MAPK8: variants seen among roughly 807,000 people sequenced by gnomAD.
The protein encoded by MAPK8 is mitogen-activated protein kinase 8.
In MAPK8, 13 loss-of-function variants were observed where a neutral mutation model predicts 52.9. The ratio of observed to expected loss-of-function variants is 0.25; its 90% CI spans 0.16 to 0.39. The LOEUF (loss-of-function observed/expected upper bound fraction) is 0.39, where lower values mean the gene tolerates loss of function less well. Ranked by LOEUF, MAPK8 falls within the 10% of genes least tolerant of loss-of-function variation. MAPK8 has a pLI of 1.00. For missense variants in MAPK8, 300 were observed against 519.2 expected, an observed-to-expected ratio of 0.58 and a Z score of 4.10; for synonymous variants, 191 against 169.8, an observed-to-expected ratio of 1.12 and a Z score of -0.97.
At chr10:48,319,204 A>G (rs976564788) in intron 1 of MAPK8, among the ~76,000 whole-genome samples, 9 of 152,230 alleles carry the variant, frequency 5.9e-5, no homozygotes, top group Admixed American at 6.5e-5. Context: ...ATAGTGTGTC[A>G]TGTGTAATAA....
At chr10:48,418,862 C>T (rs1458481856) in intron 5 of MAPK8, among the ~76,000 whole-genome samples, 1 of 152,014 alleles carries the variant, frequency 6.6e-6, no homozygotes, top group African/African-American at 2.4e-5. Flanking sequence ...CAATGAAGTG[C>T]TTGAAATTGG....
chr10:48,400,660 T>C (rs1318609424), intron 1 of MAPK8, among the ~76,000 whole-genome samples: 1 of 152,210 alleles, frequency 6.6e-6, no homozygotes, highest in Non-Finnish European at 1.5e-5. Flanking sequence ...GTAAGTCATA[T>C]CAGGATTTCT....
At chr10:48,417,511 G>T (rs1282764222) in intron 5 of MAPK8, among the ~76,000 whole-genome samples, 1 of 152,196 alleles carries the variant, frequency 6.6e-6, no homozygotes, top group Non-Finnish European at 1.5e-5. Context: ...TGGGTCTGCA[G>T]GGTTGGCTGT....
chr10:48,427,043 C>A, intron 9 of MAPK8, 37 bp from the exon 10 acceptor site: 1 of 1,505,244 alleles, frequency 6.6e-7, no homozygotes, highest in Non-Finnish European at 9.2e-7. Flanking sequence ...ATACTCCCAG[C>A]ATACTGACTT....
At chr10:48,354,695 C>T (rs774760410) in intron 1 of MAPK8, among the ~76,000 whole-genome samples, 39 of 151,916 alleles carry the variant, frequency 2.6e-4, no homozygotes, top group African/African-American at 8.2e-4. Context: ...AAAACCTTGT[C>T]GGAGTGAATA....
intron 1 of MAPK8, among the ~76,000 whole-genome samples, chr10:48,355,930 T>C (rs1298430055): frequency 3.3e-5 from 5 of 152,324 alleles, no homozygotes; most frequent in Non-Finnish European, 4.4e-5. Flanking sequence ...GGGAACATTT[T>C]CTTAAATTAA....
intron 1 of MAPK8, among the ~76,000 whole-genome samples, chr10:48,378,828 T>C (rs2040823056): frequency 6.6e-6 from 1 of 152,130 alleles, no homozygotes. Flanking sequence ...TGCAGTGGCA[T>C]GATTATAGCT....
At chr10:48,327,375 G>A (rs184478783) in intron 1 of MAPK8, among the ~76,000 whole-genome samples, 7 of 152,314 alleles carry the variant, frequency 4.6e-5, no homozygotes, top group Non-Finnish European at 7.4e-5. Flanking sequence ...TGTTGATGTG[G>A]TGGATTAGGG....
intron 5 of MAPK8, among the ~76,000 whole-genome samples, chr10:48,414,975 CAG>C (rs2042983960): frequency 6.6e-6 from 1 of 152,004 alleles, no homozygotes; most frequent in African/African-American, 2.4e-5. Context: ...AAAATAAATA[CAG>C]AGAGAGTTTT....
intron 1 of MAPK8, among the ~76,000 whole-genome samples, chr10:48,372,596 G>C (rs748743701): frequency 1.3e-5 from 2 of 151,600 alleles, no homozygotes; most frequent in Non-Finnish European, 2.9e-5. Context: ...ATCAATAGCT[G>C]AATCGATCAA....
chr10:48,353,747 A>G (rs116858918), intron 1 of MAPK8, among the ~76,000 whole-genome samples: 1 of 152,352 alleles, frequency 6.6e-6, no homozygotes, highest in South Asian at 2.1e-4. Flanking sequence ...CATTATGCTG[A>G]GTGAAGAAAA....
chr10:48,321,101 T>TA (rs1564476784), intron 1 of MAPK8, among the ~76,000 whole-genome samples: 1 of 149,612 alleles, frequency 6.7e-6, no homozygotes, highest in Non-Finnish European at 1.5e-5. Context: ...TTTTTTTTTT[T>TA]TTTTTTTTTT....
At chr10:48,410,200 G>A in intron 5 of MAPK8, 32 bp downstream of exon 5, 1 of 1,448,622 alleles carries the variant, frequency 6.9e-7, no homozygotes, top group Admixed American at 2.6e-5. Context: ...CATACTCTTT[G>A]TTTTCTCATT....
At position 48,438,633 on chromosome 10, in the gene MAPK8, TCA is replaced by T. The variant is rs1183767468; in HGVS notation, c.*3608_*3609del. On this transcript the variant is annotated 3_prime_UTR_variant, in exon 12 of 12. Coordinates refer to ENST00000374189, the MANE Select transcript of MAPK8 (RefSeq NM_001323329.2). The stretch of plus-strand genomic sequence containing the variant: ...TAAACTAGGTTTTTATTGAACTACC[TCA>T]CACTAATTTTCTATGCTTTCCCAAG... 3 of 152,244 alleles carry T rather than the reference TCA, an allele frequency of 2.0e-5. No homozygotes were observed. Among genetic ancestry groups the T allele is most frequent in the Non-Finnish European group, 4.4e-5 (3 of 68,034 alleles). The allele number at this position is 152,244 out of a possible 1,614,324, so 9.4% of individuals were successfully genotyped here.
At chr10:48,426,172 C>T in intron 8 of MAPK8, 102 bp downstream of exon 8, 2 of 1,137,382 alleles carry the variant, frequency 1.8e-6, no homozygotes. Flanking sequence ...GGGACATGAA[C>T]CCAAGGTTTT....
intron 1 of MAPK8, 29 bp from the exon 2 acceptor site, chr10:48,401,583 T>C: frequency 6.7e-7 from 1 of 1,496,744 alleles, no homozygotes. Flanking sequence ...GTTCATTTTG[T>C]TAACATCATG....
In MAPK8 at chr10:48,435,288, A is replaced by G; in HGVS notation, c.*259A>G. ...ATAATGTAAACCTAATTATTTTATC[A>G]TGGTTTAAATTTTTTGCATATTTGC... On this transcript the variant is annotated 3_prime_UTR_variant, in exon 12 of 12. Transcript: ENST00000374189. 2.9e-6 allele frequency: 1 copy of G among 342,978 alleles called. No individual in the cohort carries two copies. Among genetic ancestry groups the G allele is most frequent in the Non-Finnish European group, 5.2e-6 (1 of 192,022 alleles). 21.2% of individuals were successfully genotyped at this position (342,978 alleles called of 1,614,324 possible).
rs188076639 is a variant in MAPK8, at chr10:48,424,193, A to G, written c.688+34A>G. 77 of 1,565,308 alleles carry G rather than the reference A, an allele frequency of 4.9e-5. No homozygotes were observed. The East Asian group carries it at 1.7e-3, about 35-fold the overall frequency. On this transcript the variant is annotated intron_variant, in intron 7 of 11. Transcript: ENST00000374189. ...GTGCTGCTGCAGCAGTTAATTAGTT[A>G]GGCGATGAACTTCTTTATGTTCTCT... is the stretch of plus-strand genomic sequence containing the variant.
At chr10:48,408,371 G>A (rs186474940) in intron 3 of MAPK8, among the ~76,000 whole-genome samples, 53 of 152,264 alleles carry the variant, frequency 3.5e-4, no homozygotes, top group African/African-American at 1.3e-3. Context: ...TCAAGAACTA[G>A]GAGTTGTCAG....
Sources: gnomAD v4.1 joint callset for allele counts (sites outside exome capture counted in the v4.1 genomes callset) on GRCh38, gnomAD v4.1.1 for gene constraint, MANE v1.5 for transcripts, NCBI Gene and HGNC (gene_info 2026-07-23, HGNC 2026-07-21) for gene names.